ZMYND8: variants seen among roughly 807,000 people sequenced by gnomAD.
ZMYND8 encodes zinc finger MYND-type containing 8.
A neutral mutation model predicts 140.8 loss-of-function variants in ZMYND8; 37 were observed. That is an observed-to-expected ratio of 0.26 (90% CI 0.20 to 0.35). The LOEUF (loss-of-function observed/expected upper bound fraction) is 0.35, where lower values mean the gene tolerates loss of function less well. Ranked by LOEUF, ZMYND8 falls within the 10% of genes least tolerant of loss-of-function variation. The pLI is 1.00. For synonymous variants in ZMYND8, 592 were observed against 597.1 expected (o/e 0.99, Z 0.12); for missense variants, 1,068 against 1,570.0 (o/e 0.68, Z 5.40).
chr20:47,223,260 C>T (rs1468066415), intron 19 of ZMYND8, among the ~76,000 whole-genome samples: 2 of 152,202 alleles, frequency 1.3e-5, no homozygotes, highest in Non-Finnish European at 2.9e-5. Flanking sequence ...AATCCCAGTA[C>T]TTTGGGAGGC....
At chr20:47,288,355 T>C (rs1175758079) in intron 7 of ZMYND8, among the ~76,000 whole-genome samples, 4 of 152,074 alleles carry the variant, frequency 2.6e-5, no homozygotes, top group African/African-American at 7.2e-5. Flanking sequence ...AGGCGGGGCC[T>C]TTCTATATAT....
At chr20:47,283,680 C>T in intron 8 of ZMYND8, 32 bp from the exon 9 acceptor site, 1 of 1,603,836 alleles carries the variant, frequency 6.2e-7, no homozygotes, top group Non-Finnish European at 8.5e-7. Context: ...GAATGTGTCA[C>T]CCCAGGGGTG....
chr20:47,239,808 T>C (rs2039717712), intron 14 of ZMYND8, among the ~76,000 whole-genome samples: 1 of 152,240 alleles, frequency 6.6e-6, no homozygotes, highest in African/African-American at 2.4e-5. Context: ...TTGAGTAGCA[T>C]TGCTTTGGTT....
In ZMYND8 at chr20:47,351,583, C is replaced by G. The variant is rs553106464; in HGVS notation, c.15-3657G>C. On this transcript the variant is annotated intron_variant, in intron 1 of 22. Coordinates refer to ENST00000471951, the MANE Select transcript of ZMYND8 (RefSeq NM_001281775.3). ...TTAATCCCCAAGGCATAACATCTTC[C>G]TCTTCTAGATTACAAAATAGTGAAC... 2.8e-4 allele frequency: 237 copies of G among 846,728 alleles called. 2 individuals carry two copies. In the South Asian group the frequency reaches 2.9e-3, roughly 10 times the overall value. The allele number at this position is 846,728 out of a possible 1,614,324, so 52.5% of individuals were successfully genotyped here.
At chr20:47,226,504 C>T (rs2037731508) in intron 18 of ZMYND8, among the ~76,000 whole-genome samples, 1 of 152,172 alleles carries the variant, frequency 6.6e-6, no homozygotes, top group South Asian at 2.1e-4. Context: ...GCACAGGAAG[C>T]ATCCAGATAT....
At chr20:47,307,639 C>A (rs2078596677) in intron 3 of ZMYND8, among the ~76,000 whole-genome samples, 1 of 152,004 alleles carries the variant, frequency 6.6e-6, no homozygotes, top group Non-Finnish European at 1.5e-5. Flanking sequence ...ACCAGCCTGG[C>A]CAGCATGGTG....
chr20:47,248,340 T>G (rs945823173), intron 13 of ZMYND8, among the ~76,000 whole-genome samples: 1 of 152,234 alleles, frequency 6.6e-6, no homozygotes, highest in Non-Finnish European at 1.5e-5. Flanking sequence ...ATTATTTAAA[T>G]GGCATGCCAA....
In ZMYND8 at chr20:47,210,432, T is replaced by C. The variant is rs2035080809; in HGVS notation, c.*329A>G. The C allele has an allele frequency of 6.4e-6, 1 of 156,152 alleles. No homozygotes were observed. The highest frequency in any genetic ancestry group is 6.6e-5 in the Admixed American group (1 of 15,150). The allele number at this position is 156,152 out of a possible 1,614,324, so 9.7% of individuals were successfully genotyped here. ...GGTTGCTTTTTTTTTTTTTTTTAAA[T>C]CGTTTTTCTTTTTCTTTTTTTTTTT... is the stretch of plus-strand genomic sequence containing the variant. On this transcript the variant is annotated 3_prime_UTR_variant, in exon 23 of 23. Transcript: ENST00000471951.
intron 4 of ZMYND8, among the ~76,000 whole-genome samples, chr20:47,296,146 C>T (rs1237143510): frequency 6.6e-6 from 1 of 152,152 alleles, no homozygotes; most frequent in Non-Finnish European, 1.5e-5. Context: ...AAATTCAGAG[C>T]CCCGAATCTT....
At chr20:47,254,055 G>C (rs567592236) in intron 12 of ZMYND8, among the ~76,000 whole-genome samples, 42 of 152,354 alleles carry the variant, frequency 2.8e-4, no homozygotes, top group African/African-American at 9.6e-4. Flanking sequence ...CTCCTCCGCA[G>C]AGAGAAAACA....
chr20:47,257,390 A>G (rs1443149864), intron 12 of ZMYND8, among the ~76,000 whole-genome samples: 5 of 152,058 alleles, frequency 3.3e-5, no homozygotes, highest in Non-Finnish European at 7.4e-5. Context: ...CTCACATACC[A>G]TATACACATT....
In ZMYND8 at chr20:47,239,005, G is replaced by A. The variant is rs771098315; in HGVS notation, c.2418C>T (p.Thr806=). 1.1e-5 allele frequency: 17 copies of A among 1,606,480 alleles called. No homozygotes were observed. The highest frequency in any genetic ancestry group is 2.2e-5 in the South Asian group (2 of 90,742). The part of the protein sequence containing the change: ...TATTSTSSTV[T]VTAPAPAATG... ...TGGCGGCGGGGGCCGGGGCCGTGAC[G>A]GTGACCGTGGAGGACGTGCTGGTGG... Residue 806 remains threonine (T), a synonymous_variant, in exon 15 of 23, where the codon ACC becomes ACT. Transcript: ENST00000471951.
intron 5 of ZMYND8, among the ~76,000 whole-genome samples, chr20:47,294,037 G>A (rs2077474217): frequency 6.6e-6 from 1 of 152,052 alleles, no homozygotes; most frequent in Non-Finnish European, 1.5e-5. Flanking sequence ...TAGCCATGCA[G>A]AACTGTGAGT....
chr20:47,337,351 AT>A (rs1242853772), intron 2 of ZMYND8, among the ~76,000 whole-genome samples: 1 of 152,020 alleles, frequency 6.6e-6, no homozygotes. Context: ...TCTCAAAAAA[AT>A]AAATAAATAA....
At chr20:47,333,990 A>C (rs1435834789) in intron 2 of ZMYND8, among the ~76,000 whole-genome samples, 5 of 152,180 alleles carry the variant, frequency 3.3e-5, no homozygotes, top group African/African-American at 9.7e-5. Flanking sequence ...TAAGCATCGA[A>C]TATACATAAC....
chr20:47,294,672 C>A lies in ZMYND8; in HGVS notation c.561G>T (p.Gln187His). 6.2e-7 allele frequency: 1 copy of A among 1,613,954 alleles called. No individual in the cohort carries two copies. The highest frequency in any genetic ancestry group is 8.5e-7 in the Non-Finnish European group (1 of 1,179,826). Reference sequence around the variant, plus strand: ...AGAGGAACTTTCTTCTTACCCCTGGCTGTTTCATTTTCTGAATGGCAAACT... The same window carrying A: ...AGAGGAACTTTCTTCTTACCCCTGGATGTTTCATTTTCTGAATGGCAAACT... Reference protein sequence around the residue: ...LLKFAIQKMKQPGTDAFQKPV... With the variant: ...LLKFAIQKMKHPGTDAFQKPV... The change falls in exon 5 of 23, where the codon CAG becomes CAT. Residue 187 changes from glutamine to histidine, a missense_variant. Around this residue, in one of 10 missense-constraint regions of ZMYND8, gnomAD observed 109 missense variants for 314.9 expected, o/e 0.35. Coordinates refer to ENST00000471951, the MANE Select transcript of ZMYND8 (RefSeq NM_001281775.3).
chr20:47,288,318 C>T (rs929365844), intron 7 of ZMYND8, among the ~76,000 whole-genome samples: 4 of 151,882 alleles, frequency 2.6e-5, no homozygotes, highest in African/African-American at 9.7e-5. Context: ...TCTACCTGAC[C>T]TCATCCACTT....
Position 47,229,708 on chromosome 20 carries a change from T to C in ZMYND8, c.2937+18A>G. The C allele has an allele frequency of 6.2e-7, 1 of 1,609,262 alleles. No homozygotes were observed. Among genetic ancestry groups the C allele is most frequent in the Non-Finnish European group, 8.5e-7 (1 of 1,176,422 alleles). On this transcript the variant is annotated intron_variant, in intron 17 of 22. Transcript: ENST00000471951. ...AAAACACTCTTAGCAAATAAGAAAT[T>C]CATGTGTCATCTCTGACCTCAGCTA...
At chr20:47,253,858 A>C (rs1263307857) in intron 12 of ZMYND8, among the ~76,000 whole-genome samples, 1 of 152,268 alleles carries the variant, frequency 6.6e-6, no homozygotes, top group East Asian at 1.9e-4. Flanking sequence ...AAAAATGCAA[A>C]GAAGGTAAAT....
Sources: allele counts gnomAD v4.1 joint callset (sites outside exome capture counted in the v4.1 genomes callset), GRCh38; gene constraint gnomAD v4.1.1; regional missense constraint gnomAD v4.1.1; transcripts MANE v1.5; gene names NCBI Gene and HGNC (gene_info 2026-07-23, HGNC 2026-07-21).